The following NMNAT1 variants were observed in gnomAD, a reference collection of about 807,000 sequenced individuals.
NMNAT1 encodes the protein nicotinamide nucleotide adenylyltransferase 1.
Under a neutral mutation model 16.7 loss-of-function variants are expected in NMNAT1, and 11 were observed. The observed-to-expected ratio is 0.66, with a 90% confidence interval of 0.41 to 1.09. The LOEUF (loss-of-function observed/expected upper bound fraction) is 1.09. Among genes scored for constraint, NMNAT1 ranks in the 50% least tolerant of loss-of-function variants. NMNAT1 has a pLI of 0.00. For synonymous variants in NMNAT1, 110 were observed against 119.8 expected, an observed-to-expected ratio of 0.92 and a Z score of 0.53; for missense variants, 280 against 332.3, an observed-to-expected ratio of 0.84 and a Z score of 1.22.
At chr1:9,954,701 G>A (rs1209407197) in intron 1 of NMNAT1, among the ~76,000 whole-genome samples, 1 of 152,018 alleles carries the variant, frequency 6.6e-6, no homozygotes, top group South Asian at 2.1e-4. Flanking sequence ...GGGAGTCTGA[G>A]GTGGGTGGAT....
chr1:9,942,991 T>G, upstream of NMNAT1: 2 of 344,674 alleles, frequency 5.8e-6, no homozygotes, highest in Admixed American at 3.8e-5. Context: ...GGACACGCCT[T>G]GAGGGATGGC....
intron 3 of NMNAT1, among the ~76,000 whole-genome samples, chr1:9,977,010 C>T (rs1641830765): frequency 6.7e-6 from 1 of 149,928 alleles, no homozygotes; most frequent in African/African-American, 2.5e-5. Context: ...GGGTTCAAGC[C>T]GTTCCCCTGC....
At chr1:9,955,023 G>A (rs1032061299) in intron 1 of NMNAT1, among the ~76,000 whole-genome samples, 79 of 152,118 alleles carry the variant, frequency 5.2e-4, no homozygotes, top group Admixed American at 3.9e-4. Flanking sequence ...GCTGGCTCAC[G>A]CCTGTAATCC....
At chr1:9,995,573 A>G in the NMNAT1 span, among the ~76,000 whole-genome samples, 1 of 152,068 alleles carries the variant, frequency 6.6e-6, no homozygotes, top group African/African-American at 2.4e-5. Context: ...AGGTACCTGT[A>G]ATCCCAGCTA....
the NMNAT1 span, among the ~76,000 whole-genome samples, chr1:9,991,425 C>T: frequency 1.1e-4 from 16 of 152,298 alleles, no homozygotes; most frequent in African/African-American, 3.6e-4. Flanking sequence ...CTAACTCAGC[C>T]TCCCAAAGTG....
intron 1 of NMNAT1, among the ~76,000 whole-genome samples, chr1:9,969,989 G>GA (rs1270779040): frequency 3.3e-5 from 5 of 152,036 alleles, no homozygotes; most frequent in African/African-American, 9.7e-5. Flanking sequence ...TTCAAGACAG[G>GA]AAAAAAATGA....
intron 3 of NMNAT1, among the ~76,000 whole-genome samples, chr1:9,980,484 G>T (rs192869077): frequency 2.0e-5 from 3 of 150,596 alleles, no homozygotes; most frequent in African/African-American, 4.9e-5. Flanking sequence ...TTGGCTGAGC[G>T]TGGTGGTGCG....
At position 9,972,027 on chromosome 1, in the gene NMNAT1, G is replaced by A; in HGVS notation, c.-47G>A. The A allele has an allele frequency of 1.1e-6, 1 of 931,124 alleles. No homozygotes were observed. Among genetic ancestry groups the A allele is most frequent in the South Asian group, 1.3e-5 (1 of 76,242 alleles). 57.7% of individuals were successfully genotyped at this position (931,124 alleles called of 1,614,324 possible). ...TCTTTTTCCTTTGTAGACAACAAGG[G>A]AGGTGTCACAGTTTTCCATTTAGAT... On this transcript the variant is annotated 5_prime_UTR_variant, in exon 2 of 5. Coordinates refer to ENST00000377205, the MANE Select transcript of NMNAT1 (RefSeq NM_022787.4).
At chr1:9,989,622 C>A (rs2101723237), downstream of NMNAT1, among the ~76,000 whole-genome samples, 1 of 152,238 alleles carries the variant, frequency 6.6e-6, no homozygotes, top group South Asian at 2.1e-4. Context: ...GGGAAGATTA[C>A]CTTCTTGCTC....
At chr1:9,946,192 GT>G (rs535064249) in intron 1 of NMNAT1, among the ~76,000 whole-genome samples, 30 of 152,234 alleles carry the variant, frequency 2.0e-4, no homozygotes, top group Non-Finnish European at 4.3e-4. Context: ...TATGCTAAGG[GT>G]TTTTTTATAT....
intron 1 of NMNAT1, 40 bp downstream of exon 1, chr1:9,943,555 T>C (rs937513562): frequency 6.6e-6 from 1 of 152,262 alleles, no homozygotes; most frequent in Non-Finnish European, 1.5e-5. Flanking sequence ...ACTGGTCGCT[T>C]TTTGTCCTAG....
downstream of NMNAT1, among the ~76,000 whole-genome samples, chr1:9,989,330 C>T (rs372103809): frequency 6.1e-4 from 93 of 152,036 alleles, 1 homozygote; most frequent in Middle Eastern, 3.4e-3. Context: ...TGGTGGCGGG[C>T]GCCTGTAATC....
chr1:9,982,711 A>G lies in NMNAT1; in HGVS notation c.*10A>G, dbSNP rs1013486711. ...AGAAGCTAAGACATAGGAATTCTAC[A>G]GCATGATATTTCAGACTTCCCATTT... On this transcript the variant is annotated 3_prime_UTR_variant, in exon 5 of 5. Transcript: ENST00000377205. 14 of 1,576,294 alleles carry G rather than the reference A, an allele frequency of 8.9e-6. 1 individual carries two copies. In the Admixed American group the frequency reaches 2.3e-4, roughly 25 times the overall value.
At chr1:9,987,845 C>G (rs1344335611), downstream of NMNAT1, among the ~76,000 whole-genome samples, 1 of 151,944 alleles carries the variant, frequency 6.6e-6, no homozygotes, top group Non-Finnish European at 1.5e-5. Context: ...AATAGTGCAG[C>G]TAAAAGTATC....
chr1:9,968,162 C>T (rs1205073029), intron 1 of NMNAT1, among the ~76,000 whole-genome samples: 2 of 140,888 alleles, frequency 1.4e-5, no homozygotes, highest in African/African-American at 5.1e-5. Flanking sequence ...AGCTCCGCCT[C>T]CTGGGTTCAC....
intron 1 of NMNAT1, among the ~76,000 whole-genome samples, chr1:9,952,901 A>C (rs1641150594): frequency 6.6e-6 from 1 of 152,076 alleles, no homozygotes; most frequent in Non-Finnish European, 1.5e-5. Flanking sequence ...ACCTAAATGC[A>C]ATTTGTTTCC....
chr1:9,956,146 A>T (rs943584160), intron 1 of NMNAT1, among the ~76,000 whole-genome samples: 2 of 151,818 alleles, frequency 1.3e-5, no homozygotes, highest in Non-Finnish European at 2.9e-5. Flanking sequence ...CTGGTAAATA[A>T]ATAACGTTTA....
At chr1:9,971,955 G>A in intron 1 of NMNAT1, 63 bp from the exon 2 acceptor site, 1 of 684,430 alleles carries the variant, frequency 1.5e-6, no homozygotes, top group Non-Finnish European at 2.7e-6. Context: ...GGGTGGCAGA[G>A]CAAGACCTTA....
chr1:9,970,068 T>C (rs1197672971), intron 1 of NMNAT1, among the ~76,000 whole-genome samples: 1 of 152,184 alleles, frequency 6.6e-6, no homozygotes, highest in African/African-American at 2.4e-5. Flanking sequence ...CTAGAAGTAA[T>C]GCCTTTGAAG....
Sources: allele counts gnomAD v4.1 joint callset (sites outside exome capture counted in the v4.1 genomes callset), GRCh38; gene constraint gnomAD v4.1.1; transcripts MANE v1.5; gene names NCBI Gene and HGNC (gene_info 2026-07-23, HGNC 2026-07-21).